The following PKM variants were observed in gnomAD, a reference collection of about 807,000 sequenced individuals.
PKM encodes pyruvate kinase PKM.
In PKM, 18 loss-of-function variants were observed where a neutral mutation model predicts 49.8. The ratio of observed to expected loss-of-function variants is 0.36; its 90% CI spans 0.25 to 0.54. PKM has a LOEUF of 0.54. PKM is among the 20% of genes least tolerant of loss of function. The pLI is 0.89. For missense variants in PKM, 508 were observed against 713.8 expected (o/e 0.71, Z 3.28); for synonymous variants, 239 against 261.8 (o/e 0.91, Z 0.84).
intron 1 of PKM, among the ~76,000 whole-genome samples, chr15:72,230,416 G>C (rs957140112): frequency 7.9e-5 from 12 of 152,338 alleles, no homozygotes; most frequent in South Asian, 2.1e-4. Flanking sequence ...GATGGAAAAG[G>C]GGGGTGGGAC....
At chr15:72,214,459 A>C (rs1483979036) in intron 3 of PKM, among the ~76,000 whole-genome samples, 2 of 152,196 alleles carry the variant, frequency 1.3e-5, no homozygotes, top group Non-Finnish European at 2.9e-5. Flanking sequence ...AGCATCCATC[A>C]ATGCTGTCCT....
At chr15:72,207,298 G>A (rs887701806) in intron 6 of PKM, 21 bp from the exon 7 acceptor site, 2 of 1,613,044 alleles carry the variant, frequency 1.2e-6, no homozygotes, top group East Asian at 2.2e-5. Context: ...AAGTTGGGGG[G>A]AGAGAGGTTA....
rs561423649 is a variant in PKM at position 72,206,178 on chromosome 15, T to G, written c.1140+550A>C. The G allele has an allele frequency of 2.5e-5, 4 of 160,560 alleles. No individual in the cohort carries two copies. The South Asian group carries it at 6.9e-4, about 28-fold the overall frequency. The allele number at this position is 160,560 out of a possible 1,614,324, so 9.9% of individuals were successfully genotyped here. A position where few individuals can be genotyped will look rare whatever the true frequency, so the allele number is the denominator to read the frequency against. ...AAAGCAAATCCCCCTACAGGCACCA[T>G]GCAAGGCCAGCACAGGCAGCTCAGT... On this transcript the variant is annotated intron_variant, in intron 8 of 10. Transcript: ENST00000335181.
intron 1 of PKM, among the ~76,000 whole-genome samples, chr15:72,222,936 GAC>G (rs2082563564): frequency 6.6e-6 from 1 of 150,872 alleles, no homozygotes; most frequent in African/African-American, 2.4e-5. Context: ...CTTTGTGTCA[GAC>G]ACAATTTTTT....
Position 72,200,619 on chromosome 15 carries a change from G to GGCAC in PKM, c.1340_1343dup (p.Pro449CysfsTer37). The GGCAC allele has an allele frequency of 6.2e-7, 1 of 1,613,420 alleles. No individual in the cohort carries two copies. Among genetic ancestry groups the GGCAC allele is most frequent in the Non-Finnish European group, 8.5e-7 (1 of 1,179,534 alleles). On this transcript the variant is annotated frameshift_variant, in exon 10 of 11. Transcript: ENST00000335181. LOFTEE classifies it high-confidence loss of function. This position sits in a 1 kb window ranked among gnomAD's most constrained non-coding sequence, Gnocchi z 4.6. The stretch of plus-strand genomic sequence containing the variant: ...GATTCCGGGTCACAGCAATGATGGG[G>GGCAC]GCACGTGGGCGGTATCTGGCCACCT...
intron 3 of PKM, among the ~76,000 whole-genome samples, chr15:72,213,492 G>A (rs1567119086): frequency 2.6e-5 from 4 of 152,094 alleles, no homozygotes; most frequent in African/African-American, 4.8e-5. Context: ...GTGCAGTGGC[G>A]CGATCTTGGC....
intron 3 of PKM, among the ~76,000 whole-genome samples, chr15:72,211,112 C>T (rs533411054): frequency 3.6e-4 from 54 of 151,514 alleles, no homozygotes; most frequent in South Asian, 6.3e-4. Context: ...GTCGCCCAGG[C>T]TGGAGTGCAG....
intron 7 of PKM, 27 bp downstream of exon 7, chr15:72,207,100 A>G: frequency 6.2e-7 from 1 of 1,612,560 alleles, no homozygotes; most frequent in South Asian, 1.1e-5. Flanking sequence ...TGTGCACATG[A>G]GAATGTGGGG....
Position 72,218,933 on chromosome 15 carries a change from C to A in PKM, c.154+11G>T. The A allele has an allele frequency of 2.5e-6, 4 of 1,614,052 alleles. No homozygotes were observed. Among genetic ancestry groups the A allele is most frequent in the Non-Finnish European group, 3.4e-6 (4 of 1,179,972 alleles). The stretch of plus-strand genomic sequence containing the variant: ...AAGCCCTTTTTTGGGGGAAGGGGCA[C>A]ACCCACTCACCAATGGTACAGATGA... On this transcript the variant is annotated intron_variant, in intron 2 of 10. Coordinates refer to ENST00000335181, the MANE Select transcript of PKM (RefSeq NM_002654.6).
At chr15:72,225,428 T>A (rs2082642271) in intron 1 of PKM, among the ~76,000 whole-genome samples, 1 of 152,032 alleles carries the variant, frequency 6.6e-6, no homozygotes, top group African/African-American at 2.4e-5. Flanking sequence ...GTGATCCTCC[T>A]GCATCAGCCT....
chr15:72,219,333 A>T, intron 1 of PKM: 1 of 507,914 alleles, frequency 2.0e-6, no homozygotes, highest in Non-Finnish European at 3.6e-6. Context: ...AACAAGTTAA[A>T]ACCTCCCACC....
At chr15:72,213,678 G>A (rs1234190115) in intron 3 of PKM, among the ~76,000 whole-genome samples, 2 of 152,136 alleles carry the variant, frequency 1.3e-5, no homozygotes, top group South Asian at 2.1e-4. Flanking sequence ...TGATCCCTCC[G>A]CCTTGGCCTC....
intron 1 of PKM, among the ~76,000 whole-genome samples, chr15:72,221,924 C>A (rs1276530613): frequency 6.4e-4 from 70 of 109,824 alleles, no homozygotes; most frequent in African/African-American, 1.4e-3. Context: ...AACCTCAAAG[C>A]AAAAAAAAAA....
intron 9 of PKM, chr15:72,201,169 C>T (rs901474821): frequency 6.5e-6 from 1 of 154,902 alleles, no homozygotes; most frequent in African/African-American, 2.4e-5. Context: ...CCCCACATGG[C>T]CCCTAGCTCC....
intron 3 of PKM, among the ~76,000 whole-genome samples, chr15:72,210,919 ACATTCTGATATAT>A (rs924620480): frequency 2.0e-5 from 3 of 152,176 alleles, no homozygotes; most frequent in Non-Finnish European, 2.9e-5. Flanking sequence ...AATCAATGTC[ACATTCTGATATAT>A]GTGGTAATGC....
chr15:72,229,334 T>G (rs1398671436), intron 1 of PKM, among the ~76,000 whole-genome samples: 1 of 152,182 alleles, frequency 6.6e-6, no homozygotes, highest in African/African-American at 2.4e-5. Context: ...TTACTCCCAG[T>G]TTTCCCAGGG....
intron 1 of PKM, among the ~76,000 whole-genome samples, chr15:72,223,892 T>C (rs895895430): frequency 2.7e-5 from 4 of 148,540 alleles, no homozygotes; most frequent in African/African-American, 9.9e-5. Context: ...AGCCCACTTG[T>C]AGGTTCTAGT....
At chr15:72,210,251 A>C (rs2082215185) in intron 4 of PKM, 96 bp downstream of exon 4, 8 of 1,282,364 alleles carry the variant, frequency 6.2e-6, no homozygotes, top group East Asian at 2.3e-5. Context: ...CCTTCATAGT[A>C]CTGGGAAGAA....
chr15:72,212,454 G>A (rs1008573942), intron 3 of PKM, among the ~76,000 whole-genome samples: 2 of 150,440 alleles, frequency 1.3e-5, no homozygotes, highest in East Asian at 2.0e-4. Flanking sequence ...CAGCCTGGGC[G>A]ACAGACAGAG....
Sources: gnomAD v4.1 joint callset for allele counts (sites outside exome capture counted in the v4.1 genomes callset) on GRCh38, gnomAD v4.1.1 for gene constraint, Gnocchi (gnomAD v3.1) non-coding constraint, MANE v1.5 for transcripts, NCBI Gene and HGNC (gene_info 2026-07-23, HGNC 2026-07-21) for gene names.